FAM90A1: variants seen among roughly 807,000 people sequenced by gnomAD.
The protein encoded by FAM90A1 is protein FAM90A1.
Under a neutral mutation model 14.8 loss-of-function variants are expected in FAM90A1, and 10 were observed. The ratio of observed to expected loss-of-function variants is 0.67; its 90% CI spans 0.42 to 1.14. The LOEUF (loss-of-function observed/expected upper bound fraction) is 1.14. FAM90A1 is among the 50% of genes most tolerant of loss of function. The pLI is 0.00. For synonymous variants in FAM90A1, 236 were observed against 248.4 expected (o/e 0.95, Z 0.47); for missense variants, 567 against 602.8 (o/e 0.94, Z 0.62).
chr12:8,224,189 A>G lies in FAM90A1; in HGVS notation c.150T>C (p.Phe50=). 1 of 1,612,026 alleles carries G rather than the reference A, an allele frequency of 6.2e-7. No homozygotes were observed. Among genetic ancestry groups the G allele is most frequent in the Non-Finnish European group, 8.5e-7 (1 of 1,179,844 alleles). The change falls in exon 5 of 7, where the codon TTT becomes TTC. Residue 50 remains phenylalanine, a synonymous_variant. Coordinates refer to ENST00000538603, the MANE Select transcript of FAM90A1 (RefSeq NM_018088.3). ...PRLKCKNCEA[F]GHTARSTRCP... ...ACCTGGTACTTCTGGCCGTGTGGCC[A>G]AAGGCCTCACAGTTTTTGCACTTGA...
Position 8,225,835 on chromosome 12 carries a change from C to G in FAM90A1, c.-57+1G>C, listed in dbSNP as rs1276558760. 2 of 151,782 alleles carry G rather than the reference C, an allele frequency of 1.3e-5. No individual in the cohort carries two copies. Among genetic ancestry groups the G allele is most frequent in the Non-Finnish European group, 2.9e-5 (2 of 68,040 alleles). 9.4% of individuals were successfully genotyped at this position (151,782 alleles called of 1,614,324 possible). On this transcript the variant is annotated splice_donor_variant, in intron 3 of 6. Transcript: ENST00000538603. LOFTEE classifies it low-confidence loss of function (5UTR_SPLICE). ...ACAAACAACTGTTCAGTGAAACTAACCTGAAATTACACGTCTACTTTCTTT... is the reference window on the plus strand; with the variant it reads ...ACAAACAACTGTTCAGTGAAACTAAGCTGAAATTACACGTCTACTTTCTTT...
In FAM90A1 at chr12:8,224,112, T is replaced by A. The variant is rs763951433; in HGVS notation, c.227A>T (p.Lys76Met). 3.2e-5 allele frequency: 51 copies of A among 1,612,012 alleles called. No homozygotes were observed. The East Asian group carries it at 1.0e-3, about 33-fold the overall frequency. Residue 76 changes from lysine (K) to methionine (M), a missense_variant, in exon 5 of 7, where the codon AAG becomes ATG. Physicochemically the swap from Lys to Met is moderately conservative, Grantham distance 95 (BLOSUM62 -1). Transcript: ENST00000538603. Reference protein sequence around the residue: ...AALVPPNFGEKEGKENLKPWK... With the variant: ...AALVPPNFGEMEGKENLKPWK... ...TGGTTTCAGGTTTTCCTTCCCTTCC[T>A]TTTCCCCAAAGTTCGGTGGAACCAG...
At position 8,227,517 on chromosome 12, in the gene FAM90A1, G is replaced by C. The variant is rs1360135175; in HGVS notation, c.-458C>G. 10 of 856,246 alleles carry C rather than the reference G, an allele frequency of 1.2e-5. No individual in the cohort carries two copies. The highest frequency in any genetic ancestry group is 7.3e-4 in the Middle Eastern group (2 of 2,746). 53.0% of individuals were successfully genotyped at this position (856,246 alleles called of 1,614,324 possible). ...TCAAGCCCGAGGCCAGCTGGCTGCA[G>C]GTGCAGGGCTATGCGTCAGGGGTCA... On this transcript the variant is annotated 5_prime_UTR_variant, in exon 1 of 7. Transcript: ENST00000538603.
At chr12:8,223,184 CTG>C (rs1381560663) in intron 6 of FAM90A1, among the ~76,000 whole-genome samples, 3 of 152,200 alleles carry the variant, frequency 2.0e-5, no homozygotes, top group Non-Finnish European at 4.4e-5. Context: ...TTTGGGGCCT[CTG>C]AGGGACTAAT....
At position 8,221,955 on chromosome 12, in the gene FAM90A1, C is replaced by T. The variant is rs773105433; in HGVS notation, c.1262G>A (p.Gly421Glu). ...ATGAGGGCTCTGAGCGAGGAAGGCTCCCGGCTTCTCAGGAGAGTGAAATGA... is the reference window on the plus strand; with the variant it reads ...ATGAGGGCTCTGAGCGAGGAAGGCTTCCGGCTTCTCAGGAGAGTGAAATGA... ...APSFHSPEKPGAFLAQSPHVS... is the reference protein window; with the variant it reads ...APSFHSPEKPEAFLAQSPHVS... Residue 421 changes from glycine (G) to glutamate (E), a missense_variant, in exon 7 of 7, where the codon GGA (glycine) becomes GAA (glutamate). Physicochemically the swap from Gly to Glu is moderately conservative, Grantham distance 98. Transcript: ENST00000538603. 1 of 1,596,708 alleles carries T rather than the reference C, an allele frequency of 6.3e-7. No homozygotes were observed. Among genetic ancestry groups the T allele is most frequent in the Non-Finnish European group, 8.5e-7 (1 of 1,179,754 alleles).
rs1245034326 is a variant in FAM90A1 at position 8,224,883 on chromosome 12, G to T, written c.-51C>A. ...CGCCTTTTTCAGGGGTTGATTGTCG[G>T]GTCACCTGAAACACACACAAACACA... On this transcript the variant is annotated 5_prime_UTR_variant, in exon 4 of 7. Transcript: ENST00000538603. 1 of 1,599,728 alleles carries T rather than the reference G, an allele frequency of 6.3e-7. No homozygotes were observed. Among genetic ancestry groups the T allele is most frequent in the Non-Finnish European group, 8.5e-7 (1 of 1,177,776 alleles).
At chr12:8,223,669 C>G (rs1948880366) in intron 5 of FAM90A1, 112 bp from the exon 6 acceptor site, 1 of 750,156 alleles carries the variant, frequency 1.3e-6, no homozygotes, top group South Asian at 1.4e-5. Context: ...AAATGGACAT[C>G]TGGTGCCCTT....
chr12:8,223,505 G>T lies in FAM90A1; in HGVS notation c.376C>A (p.Pro126Thr), dbSNP rs780619091. Residue 126 changes from proline (P) to threonine (T), a missense_variant, in exon 6 of 7, where the codon CCA (proline) becomes ACA (threonine). Physicochemically the swap from Pro to Thr is conservative, Grantham distance 38. Coordinates refer to ENST00000538603, the MANE Select transcript of FAM90A1 (RefSeq NM_018088.3). ...TTTTGATTTGGCAGCGGCTTCTCTGGAGGTTTCCTGGAAAATATGTGGAGG... is the reference window on the plus strand; with the variant it reads ...TTTTGATTTGGCAGCGGCTTCTCTGTAGGTTTCCTGGAAAATATGTGGAGG... ...ALLHIFSRKP[P>T]EKPLPNQKGS... The T allele has an allele frequency of 5.6e-6, 9 of 1,609,556 alleles. No homozygotes were observed. Among genetic ancestry groups the T allele is most frequent in the Admixed American group, 1.7e-5 (1 of 60,002 alleles).
In FAM90A1 at chr12:8,223,881, G is replaced by A. The variant is rs1314668624; in HGVS notation, c.323+135C>T. 7 of 971,400 alleles carry A rather than the reference G, an allele frequency of 7.2e-6. No individual in the cohort carries two copies. In the East Asian group the frequency reaches 1.2e-4, roughly 17 times the overall value. 60.2% of individuals were successfully genotyped at this position (971,400 alleles called of 1,614,324 possible). On this transcript the variant is annotated intron_variant, in intron 5 of 6. Coordinates refer to ENST00000538603, the MANE Select transcript of FAM90A1 (RefSeq NM_018088.3). ...TGGGTGTGGAACTCCGGAAGACACAGAGCTCCGGTCTGTTTCTCTGCAGCG... is the reference window on the plus strand; with the variant it reads ...TGGGTGTGGAACTCCGGAAGACACAAAGCTCCGGTCTGTTTCTCTGCAGCG...
In FAM90A1 at chr12:8,221,387, C is replaced by G. The variant is rs544887844; in HGVS notation, c.*435G>C. On this transcript the variant is annotated 3_prime_UTR_variant, in exon 7 of 7. Transcript: ENST00000538603. ...GCGCTTTGCACAGCGCGCTTCCCAG[C>G]GTCCGAAACACTGCTCTCAGGGCGG... The G allele has an allele frequency of 4.9e-4, 149 of 303,840 alleles. No individual in the cohort carries two copies. The highest frequency in any genetic ancestry group is 8.3e-4 in the Non-Finnish European group (133 of 160,206). 18.8% of individuals were successfully genotyped at this position (303,840 alleles called of 1,614,324 possible).
chr12:8,225,251 C>A (rs112490253), intron 3 of FAM90A1, among the ~76,000 whole-genome samples: 8 of 152,020 alleles, frequency 5.3e-5, no homozygotes, highest in Non-Finnish European at 1.0e-4. Context: ...ATGATCGAAG[C>A]CACAGGGCAT....
rs117679735 is a variant in FAM90A1, at chr12:8,224,127, G to A, written c.212C>T (p.Pro71Leu). 4 of 1,611,884 alleles carry A rather than the reference G, an allele frequency of 2.5e-6. No homozygotes were observed. Among genetic ancestry groups the A allele is most frequent in the Non-Finnish European group, 3.4e-6 (4 of 1,179,846 alleles). The change falls in exon 5 of 7, where the codon CCG (proline) becomes CTG (leucine). Residue 71 changes from proline (P) to leucine (L), a missense_variant. By Grantham distance (98) the Pro-to-Leu change is moderately conservative. Coordinates refer to ENST00000538603, the MANE Select transcript of FAM90A1 (RefSeq NM_018088.3). ...CTTCCCTTCCTTTTCCCCAAAGTTC[G>A]GTGGAACCAGGGCTGCCTTCCAGCA... ...MKCWKAALVP[P>L]NFGEKEGKEN...
At chr12:8,223,802 C>T (rs9739812) in intron 5 of FAM90A1, among the ~76,000 whole-genome samples, 80,768 of 151,682 alleles carry the variant, frequency 0.53, 22,021 homozygotes, top group Non-Finnish European at 0.69. Context: ...GGAACCTGCA[C>T]GAAGCGCCCC....
At chr12:8,224,326 A>T (rs1294039647) in intron 4 of FAM90A1, 111 bp from the exon 5 acceptor site, 2 of 977,000 alleles carry the variant, frequency 2.0e-6, no homozygotes, top group Non-Finnish European at 3.2e-6. Context: ...GATTCCAAAG[A>T]GGGGACACCG....
At position 8,222,647 on chromosome 12, in the gene FAM90A1, A is replaced by G. The variant is rs766503451; in HGVS notation, c.570T>C (p.Ser190=). The change falls in exon 7 of 7, where the codon AGT becomes AGC. Residue 190 remains serine (S), a synonymous_variant. Coordinates refer to ENST00000538603, the MANE Select transcript of FAM90A1 (RefSeq NM_018088.3). ...GTCCAAGACTTGAGGAGGAGCTCAG[A>G]CTGGCTTTTCTGAGGGGAGACAGTG... ...LASLSPLRKA[S]LSSSSSLGPK... 51 of 1,611,612 alleles carry G rather than the reference A, an allele frequency of 3.2e-5. No homozygotes were observed. The highest frequency in any genetic ancestry group is 3.1e-4 in the South Asian group (28 of 90,992).
rs139145613 is a variant in FAM90A1 at position 8,221,623 on chromosome 12, C to T, written c.*199G>A. The stretch of plus-strand genomic sequence containing the variant: ...CAGAGAACCATGCGAACTACAATGT[C>T]CCTCACCAGAATTCAACGTGGCAGA... On this transcript the variant is annotated 3_prime_UTR_variant, in exon 7 of 7. Coordinates refer to ENST00000538603, the MANE Select transcript of FAM90A1 (RefSeq NM_018088.3). The T allele has an allele frequency of 1.7e-5, 11 of 655,168 alleles. No individual in the cohort carries two copies. The East Asian group carries it at 3.0e-4, about 18-fold the overall frequency. The allele number at this position is 655,168 out of a possible 1,614,324, so 40.6% of individuals were successfully genotyped here.
Position 8,224,886 on chromosome 12 carries a change from C to T in FAM90A1, c.-54G>A. ...CTTTTTCAGGGGTTGATTGTCGGGT[C>T]ACCTGAAACACACACAAACACACAC... is the stretch of plus-strand genomic sequence containing the variant. On this transcript the variant is annotated splice_region_variant and 5_prime_UTR_variant, in exon 4 of 7. Transcript: ENST00000538603. 1.3e-6 allele frequency: 2 copies of T among 1,594,260 alleles called. No individual in the cohort carries two copies. The highest frequency in any genetic ancestry group is 3.3e-5 in the Admixed American group (2 of 59,964).
chr12:8,227,238 G>C (rs1248478366), intron 1 of FAM90A1, among the ~76,000 whole-genome samples: 1 of 152,364 alleles, frequency 6.6e-6, no homozygotes, highest in East Asian at 1.9e-4. Flanking sequence ...GGGAAGAGGC[G>C]GGGTCTGGGC....
chr12:8,222,535 G>A lies in FAM90A1; in HGVS notation c.682C>T (p.Pro228Ser). ...CCACCCGCAGGGCTGCTGTGTGTCGGCTTCACCACGAGGAGAGGCTCGGGG... is the reference window on the plus strand; with the variant it reads ...CCACCCGCAGGGCTGCTGTGTGTCGACTTCACCACGAGGAGAGGCTCGGGG... ...QGPEPLLVVK[P>S]THSSPAGGCR... The change falls in exon 7 of 7, where the codon CCG becomes TCG. Residue 228 changes from proline to serine, a missense_variant. By Grantham distance (74) the Pro-to-Ser change is moderately conservative. Coordinates refer to ENST00000538603, the MANE Select transcript of FAM90A1 (RefSeq NM_018088.3). 1 of 1,612,026 alleles carries A rather than the reference G, an allele frequency of 6.2e-7. No homozygotes were observed. The highest frequency in any genetic ancestry group is 8.5e-7 in the Non-Finnish European group (1 of 1,179,864).
Sources: allele counts gnomAD v4.1 joint callset (sites outside exome capture counted in the v4.1 genomes callset), GRCh38; gene constraint gnomAD v4.1.1; transcripts MANE v1.5; gene names NCBI Gene and HGNC (gene_info 2026-07-23, HGNC 2026-07-21).